NEK8: variants seen among roughly 807,000 people sequenced by gnomAD.
NEK8 encodes NIMA related kinase 8.
Under a neutral mutation model 77.2 loss-of-function variants are expected in NEK8, and 51 were observed. That is an observed-to-expected ratio of 0.66 (90% CI 0.53 to 0.83). NEK8 has a LOEUF of 0.83. Among genes scored for constraint, NEK8 ranks in the 40% least tolerant of loss-of-function variants. NEK8 has a pLI of 0.00. For synonymous variants in NEK8, 365 were observed against 363.2 expected, an observed-to-expected ratio of 1.00 and a Z score of -0.06; for missense variants, 787 against 909.2, an observed-to-expected ratio of 0.87 and a Z score of 1.73.
intron 1 of NEK8, among the ~76,000 whole-genome samples, chr17:28,731,167 G>A (rs2034302424): frequency 6.6e-6 from 1 of 152,096 alleles, no homozygotes; most frequent in African/African-American, 2.4e-5. Flanking sequence ...AACCTGGAAG[G>A]CAGAGGTTGC....
At chr17:28,738,378 C>T in intron 8 of NEK8, 133 bp downstream of exon 8, 1 of 1,154,334 alleles carries the variant, frequency 8.7e-7, no homozygotes. Flanking sequence ...TGTCTAGTAA[C>T]TATTGAGGAG....
intron 10 of NEK8, among the ~76,000 whole-genome samples, 161 bp downstream of exon 10, chr17:28,739,362 C>T (rs2034398271): frequency 1.3e-5 from 2 of 152,222 alleles, no homozygotes; most frequent in Admixed American, 1.3e-4. Context: ...ACTATGTGCA[C>T]ACCCTGTGCT....
Position 28,741,929 on chromosome 17 carries a change from C to CT in NEK8, c.2051-29dup. 6.2e-7 allele frequency: 1 copy of CT among 1,613,712 alleles called. No homozygotes were observed. Among genetic ancestry groups the CT allele is most frequent in the Non-Finnish European group, 8.5e-7 (1 of 1,179,610 alleles). On this transcript the variant is annotated intron_variant, in intron 14 of 14. Coordinates refer to ENST00000268766, the MANE Select transcript of NEK8 (RefSeq NM_178170.3). The surrounding 1 kb of genome is among the most constrained non-coding windows in gnomAD (Gnocchi z 4.5). ...TTTCTGGAGGCACTGCCCTCAGAAG[C>CT]TGCAAGGGTTTCTCTTCGGTACCCT...
At chr17:28,738,305 C>A in intron 8 of NEK8, 60 bp downstream of exon 8, 1 of 1,592,820 alleles carries the variant, frequency 6.3e-7, no homozygotes, top group South Asian at 1.1e-5. Context: ...CACCTTCTCT[C>A]TTCTCTTGCA....
At position 28,742,422 on chromosome 17, in the gene NEK8, T is replaced by A; in HGVS notation, c.*435T>A. The stretch of plus-strand genomic sequence containing the variant: ...TCCTGGCTAACGTGGTGAAACCCCA[T>A]CTCTACTAAAAATACAAAAAAATTA... On this transcript the variant is annotated 3_prime_UTR_variant, in exon 15 of 15. Coordinates refer to ENST00000268766, the MANE Select transcript of NEK8 (RefSeq NM_178170.3). The A allele has an allele frequency of 3.8e-6, 1 of 265,760 alleles. No individual in the cohort carries two copies. 16.5% of individuals were successfully genotyped at this position (265,760 alleles called of 1,614,324 possible).
chr17:28,739,051 GC>G, intron 9 of NEK8, 32 bp from the exon 10 acceptor site: 1 of 1,522,392 alleles, frequency 6.6e-7, no homozygotes, highest in Non-Finnish European at 9.1e-7. Context: ...CAGACCCTTT[GC>G]CCAGTTTCTC....
Position 28,734,945 on chromosome 17 carries a change from G to A in NEK8, c.427G>A (p.Val143Ile), listed in dbSNP as rs771755365. 72 of 1,613,382 alleles carry A rather than the reference G, an allele frequency of 4.5e-5. No individual in the cohort carries two copies. The highest frequency in any genetic ancestry group is 1.2e-4 in the Admixed American group (7 of 59,952). ...NILLDKHRMVVKIGDFGISKI... is the reference protein window; with the variant it reads ...NILLDKHRMVIKIGDFGISKI... ...CCTGCTTGACAAACACCGCATGGTCGTCAAGATCGGTGATTTCGGCATCTC... is the reference window on the plus strand; with the variant it reads ...CCTGCTTGACAAACACCGCATGGTCATCAAGATCGGTGATTTCGGCATCTC... Residue 143 changes from valine (V) to isoleucine (I), a missense_variant, in exon 3 of 15, where the codon GTC (valine) becomes ATC (isoleucine). Around this residue, in one of 2 missense-constraint regions of NEK8, gnomAD observed 271 missense variants for 365.1 expected, o/e 0.74. Coordinates refer to ENST00000268766, the MANE Select transcript of NEK8 (RefSeq NM_178170.3).
chr17:28,741,897 G>T lies in NEK8; in HGVS notation c.2051-62G>T. 1 of 1,566,600 alleles carries T rather than the reference G, an allele frequency of 6.4e-7. No homozygotes were observed. Among genetic ancestry groups the T allele is most frequent in the South Asian group, 1.1e-5 (1 of 90,160 alleles). On this transcript the variant is annotated intron_variant, in intron 14 of 14. Coordinates refer to ENST00000268766, the MANE Select transcript of NEK8 (RefSeq NM_178170.3). The surrounding 1 kb of genome is among the most constrained non-coding windows in gnomAD (Gnocchi z 4.5). ...AGGGCCCAGTGGGAGTGGGAGGTGG[G>T]TGATGATTTCTGGAGGCACTGCCCT...
rs554628581 is a variant in NEK8 at position 28,729,343 on chromosome 17, G to A, written c.47+483G>A. Among the ~76,000 whole-genome samples, 7 of 152,250 alleles carry A rather than the reference G, an allele frequency of 4.6e-5. No individual in the cohort carries two copies. The East Asian group carries it at 1.4e-3, about 29-fold the overall frequency. On this transcript the variant is annotated intron_variant, in intron 1 of 14. Transcript: ENST00000268766. ...TGGTCAAGGAAGAATTCTCTGAGAA[G>A]GGAGATTGCTTGCTTGCTTGATTGA...
rs557808408 is a variant in NEK8, at chr17:28,742,257, C to T, written c.*270C>T. ...GCCTGGCTAGAGTTAGAAGGCAGAC[C>T]TAGCCTTTGGAAGCAGGGTGGCCTC... On this transcript the variant is annotated 3_prime_UTR_variant, in exon 15 of 15. Transcript: ENST00000268766. The T allele has an allele frequency of 1.4e-5, 8 of 576,482 alleles. No homozygotes were observed. In the South Asian group the frequency reaches 1.6e-4, roughly 11 times the overall value. The allele number at this position is 576,482 out of a possible 1,614,324, so 35.7% of individuals were successfully genotyped here.
intron 2 of NEK8, 99 bp downstream of exon 2, chr17:28,734,287 C>A: frequency 9.1e-7 from 1 of 1,098,606 alleles, no homozygotes; most frequent in Non-Finnish European, 1.4e-6. Context: ...ATGGGCATGG[C>A]CAAGGGTTAG....
At chr17:28,739,222 C>A (rs756961408) in intron 10 of NEK8, 21 bp downstream of exon 10, 16 of 1,523,260 alleles carry the variant, frequency 1.1e-5, no homozygotes, top group Admixed American at 1.7e-5. Flanking sequence ...GCCTTTAGGC[C>A]CCATCTCACA....
In NEK8 at chr17:28,735,279, G is replaced by A; in HGVS notation, c.526G>A (p.Glu176Lys). ...TPCYISPELC[E>K]GKPYNQKSDI... is the part of the protein sequence containing the mutation. ...ATGCTATATCTCCCCTGAGCTGTGTGAGGGCAAGCCCTACAACCAGAAGAG... is the reference window on the plus strand; with the variant it reads ...ATGCTATATCTCCCCTGAGCTGTGTAAGGGCAAGCCCTACAACCAGAAGAG... Residue 176 changes from glutamate to lysine, a missense_variant, in exon 4 of 15, where the codon GAG (glutamate) becomes AAG (lysine). Glu to Lys is a moderately conservative substitution (Grantham distance 56, BLOSUM62 1). Coordinates refer to ENST00000268766, the MANE Select transcript of NEK8 (RefSeq NM_178170.3). The A allele has an allele frequency of 1.9e-6, 3 of 1,614,110 alleles. No individual in the cohort carries two copies. The highest frequency in any genetic ancestry group is 2.5e-6 in the Non-Finnish European group (3 of 1,179,988).
At chr17:28,734,658 G>A (rs1812688071) in intron 2 of NEK8, 114 bp from the exon 3 acceptor site, 3 of 752,060 alleles carry the variant, frequency 4.0e-6, no homozygotes, top group Non-Finnish European at 2.3e-6. Context: ...CTGCACTCCA[G>A]CCTGGGCAAC....
chr17:28,742,928 C>G lies in NEK8; in HGVS notation c.*941C>G, dbSNP rs1004567374. 6.6e-6 allele frequency: 1 copy of G among 152,004 alleles called. No individual in the cohort carries two copies. 9.4% of individuals were successfully genotyped at this position (152,004 alleles called of 1,614,324 possible). ...TCTCTACTAAAAATACAAAAATTAA[C>G]CAGGCATGGTGACGGGCGCCTGTAA... On this transcript the variant is annotated 3_prime_UTR_variant, in exon 15 of 15. Transcript: ENST00000268766.
At chr17:28,734,226 C>A in intron 2 of NEK8, 38 bp downstream of exon 2, 5 of 1,561,502 alleles carry the variant, frequency 3.2e-6, no homozygotes, top group Non-Finnish European at 4.4e-6. Flanking sequence ...GCTGGAGGGC[C>A]TCTTACCTCT....
intron 3 of NEK8, 88 bp downstream of exon 3, chr17:28,735,092 C>T (rs1369810165): frequency 6.6e-7 from 1 of 1,520,892 alleles, no homozygotes; most frequent in Non-Finnish European, 9.1e-7. Context: ...CCTAAAAAAC[C>T]CTTGGCCCTT....
In NEK8 at chr17:28,738,237, G is replaced by T; in HGVS notation, c.1214G>T (p.Cys405Phe). Reference protein sequence around the residue: ...HVACGDFFTACLTDRGIIMTF... With the variant: ...HVACGDFFTAFLTDRGIIMTF... ...GCCTGTGGGGACTTCTTCACTGCCT[G>T]CCTGACTGGTGAGTTGTCGGGCCTA... Residue 405 changes from cysteine (C) to phenylalanine (F), a missense_variant, in exon 8 of 15, where the codon TGC (cysteine) becomes TTC (phenylalanine). Physicochemically the swap from Cys to Phe is radical, Grantham distance 205 (BLOSUM62 -2). Transcript: ENST00000268766. The T allele has an allele frequency of 6.2e-7, 1 of 1,614,146 alleles. No homozygotes were observed. Among genetic ancestry groups the T allele is most frequent in the Non-Finnish European group, 8.5e-7 (1 of 1,180,024 alleles).
At position 28,742,499 on chromosome 17, in the gene NEK8, C is replaced by A; in HGVS notation, c.*512C>A. The A allele has an allele frequency of 5.8e-6, 1 of 173,222 alleles. No individual in the cohort carries two copies. The highest frequency in any genetic ancestry group is 1.2e-5 in the Non-Finnish European group (1 of 81,204). 10.7% of individuals were successfully genotyped at this position (173,222 alleles called of 1,614,324 possible). ...GTCCCAGCTGCTCAGGAGGCTGAGG[C>A]AGGAGAATGGCGTAAACCCCTCCAG... is the stretch of plus-strand genomic sequence containing the variant. On this transcript the variant is annotated 3_prime_UTR_variant, in exon 15 of 15. Transcript: ENST00000268766.
Sources: gnomAD v4.1 joint callset for allele counts (sites outside exome capture counted in the v4.1 genomes callset) on GRCh38, gnomAD v4.1.1 for gene constraint, gnomAD v4.1.1 regional missense constraint, Gnocchi (gnomAD v3.1) non-coding constraint, MANE v1.5 for transcripts, NCBI Gene and HGNC (gene_info 2026-07-23, HGNC 2026-07-21) for gene names.